Variants in ABCB1 observed in about 807,000 individuals in gnomAD.
The protein encoded by ABCB1 is ATP binding cassette subfamily B member 1.
A neutral mutation model predicts 142.0 loss-of-function variants in ABCB1; 69 were observed. The ratio of observed to expected loss-of-function variants is 0.49; its 90% CI spans 0.40 to 0.59. The LOEUF is 0.59. Among genes scored for constraint, ABCB1 ranks in the 20% least tolerant of loss-of-function variants. The probability of loss-of-function intolerance (pLI) is 0.00; values close to 1 mark genes in which losing one functional copy is unlikely to be tolerated. For synonymous variants in ABCB1, 532 were observed against 539.2 expected (o/e 0.99, Z 0.18); for missense variants, 1,326 against 1,554.7 (o/e 0.85, Z 2.47).
At chr7:87,628,154 GC>G (rs1563083489) in intron 1 of ABCB1, among the ~76,000 whole-genome samples, 1 of 152,186 alleles carries the variant, frequency 6.6e-6, no homozygotes, top group African/African-American at 2.4e-5. Context: ...GCGCTGTGGG[GC>G]CCCGCATCCC....
intron 26 of ABCB1, among the ~76,000 whole-genome samples, chr7:87,506,920 G>A (rs1814779862): frequency 6.6e-6 from 1 of 152,188 alleles, no homozygotes. Flanking sequence ...AGATGCTTGG[G>A]ACTGGCTCTA....
intron 1 of ABCB1, chr7:87,694,050 TTTTAGTACA>T: frequency 6.4e-7 from 1 of 1,564,630 alleles, no homozygotes; most frequent in South Asian, 1.2e-5. Flanking sequence ...AAGTGATCTT[TTTTAGTACA>T]TTGCATGGGT....
At chr7:87,680,652 G>A (rs567289800) in intron 1 of ABCB1, among the ~76,000 whole-genome samples, 8 of 150,384 alleles carry the variant, frequency 5.3e-5, no homozygotes, top group African/African-American at 2.0e-4. Context: ...AAATTAGCCA[G>A]GCATGGTGGT....
At chr7:87,710,677 T>C in intron 1 of ABCB1, 1 of 1,322,052 alleles carries the variant, frequency 7.6e-7, no homozygotes. Flanking sequence ...CTTTTAATTT[T>C]CTAATATATA....
At chr7:87,504,695 G>T (rs540188066) in intron 27 of ABCB1, among the ~76,000 whole-genome samples, 1 of 151,704 alleles carries the variant, frequency 6.6e-6, no homozygotes, top group African/African-American at 2.4e-5. Flanking sequence ...GTCCCAGCTA[G>T]TCGGGAGGCT....
intron 1 of ABCB1, among the ~76,000 whole-genome samples, chr7:87,637,566 T>A (rs577424686): frequency 1.1e-4 from 17 of 152,294 alleles, no homozygotes; most frequent in Middle Eastern, 3.4e-3. Context: ...CCTATTTCTT[T>A]ATATGTTTAA....
chr7:87,672,001 T>G (rs758272153), intron 1 of ABCB1, among the ~76,000 whole-genome samples: 100 of 152,128 alleles, frequency 6.6e-4, no homozygotes, highest in Admixed American at 1.3e-4. Context: ...TTTGGCCGCA[T>G]TTTGGTAGAG....
rs28381966 is a variant in ABCB1 at position 87,531,474 on chromosome 7, T to G, written c.2505A>C (p.Val835=). ...VKGAIGSRLA[V]ITQNIANLGT... ...CAAGATTTGCTATATTCTGGGTAAT[T>G]ACAGCAAGCCTGGAACCTATAGCCT... is the stretch of plus-strand genomic sequence containing the variant. Residue 835 remains valine (V), a synonymous_variant, in exon 21 of 28, where the codon GTA becomes GTC. Coordinates refer to ENST00000622132, the MANE Select transcript of ABCB1 (RefSeq NM_001348946.2). The G allele has an allele frequency of 6.2e-7, 1 of 1,613,166 alleles. No individual in the cohort carries two copies. The highest frequency in any genetic ancestry group is 1.1e-5 in the South Asian group (1 of 91,082).
At chr7:87,659,900 A>C (rs1450783114) in intron 1 of ABCB1, among the ~76,000 whole-genome samples, 29 of 152,160 alleles carry the variant, frequency 1.9e-4, no homozygotes, top group Non-Finnish European at 1.5e-5. Flanking sequence ...TTTAATGTGA[A>C]GAATTACATC....
intron 1 of ABCB1, among the ~76,000 whole-genome samples, chr7:87,653,639 T>C (rs1328233090): frequency 6.6e-6 from 1 of 152,108 alleles, no homozygotes; most frequent in African/African-American, 2.4e-5. Context: ...TATTGTGCTT[T>C]GGTCTTTTTT....
intron 9 of ABCB1, 53 bp downstream of exon 9, chr7:87,553,708 G>T: frequency 6.5e-7 from 1 of 1,547,704 alleles, no homozygotes; most frequent in Non-Finnish European, 8.9e-7. Context: ...AACATTACTG[G>T]ATTTCATTGG....
Position 87,616,874 on chromosome 7 carries a change from C to T in ABCB1, c.-330-15796G>A, listed in dbSNP as rs560072437. Among the ~76,000 whole-genome samples, 5 of 152,118 alleles carry T rather than the reference C, an allele frequency of 3.3e-5. No homozygotes were observed. In the South Asian group the frequency reaches 1.0e-3, roughly 32 times the overall value. ...GGTCTCTTCTCTTGTGATAAGAAAC[C>T]AATTGGTCTCTTCCCTTATGATAAG... is the stretch of plus-strand genomic sequence containing the variant. On this transcript the variant is annotated intron_variant, in intron 1 of 28. Transcript: ENST00000265724.
chr7:87,630,610 G>A (rs1014139618), intron 1 of ABCB1, among the ~76,000 whole-genome samples: 1 of 151,362 alleles, frequency 6.6e-6, no homozygotes, highest in Non-Finnish European at 1.5e-5. Flanking sequence ...TTCTTGGGGG[G>A]TAACATATTT....
At chr7:87,519,205 G>A (rs559907644) in intron 23 of ABCB1, 121 bp downstream of exon 23, 37 of 997,034 alleles carry the variant, frequency 3.7e-5, no homozygotes, top group East Asian at 5.1e-5. Context: ...CAGAAATGCC[G>A]ATTTAGGAAT....
At chr7:87,565,317 T>G (rs1165487403) in intron 7 of ABCB1, 1 of 277,116 alleles carries the variant, frequency 3.6e-6, no homozygotes, top group Non-Finnish European at 7.3e-6. Context: ...AAAAATTACA[T>G]ACTGGGCCAA....
chr7:87,509,160 G>A (rs1814888257), intron 26 of ABCB1, 115 bp downstream of exon 26: 1 of 1,025,830 alleles, frequency 9.7e-7, no homozygotes, highest in Non-Finnish European at 1.5e-6. Context: ...AGGTAAGGGT[G>A]TGATTTGGTT....
At chr7:87,586,217 G>C (rs1563064336) in intron 3 of ABCB1, among the ~76,000 whole-genome samples, 1 of 152,200 alleles carries the variant, frequency 6.6e-6, no homozygotes, top group South Asian at 2.1e-4. Context: ...TGAGTCTGAT[G>C]CATGCTTGTC....
intron 25 of ABCB1, 145 bp downstream of exon 25, chr7:87,515,086 G>C: frequency 5.6e-6 from 6 of 1,062,456 alleles, no homozygotes; most frequent in Non-Finnish European, 8.3e-6. Flanking sequence ...ACCACTTGGA[G>C]ACCATATTTA....
chr7:87,544,327 A>G, intron 16 of ABCB1, 52 bp from the exon 17 acceptor site: 1 of 1,563,396 alleles, frequency 6.4e-7, no homozygotes, highest in Non-Finnish European at 8.8e-7. Context: ...TTATATGTAC[A>G]ATTCTTACAT....
Sources: gnomAD v4.1 joint callset for allele counts (sites outside exome capture counted in the v4.1 genomes callset) on GRCh38, gnomAD v4.1.1 for gene constraint, MANE v1.5 for transcripts, NCBI Gene and HGNC (gene_info 2026-07-23, HGNC 2026-07-21) for gene names.